Variants in GRID2 observed in about 807,000 individuals in gnomAD.
The protein encoded by GRID2 is glutamate ionotropic receptor delta type subunit 2, also known as glutamate receptor ionotropic, delta-2.
Under a neutral mutation model 114.8 loss-of-function variants are expected in GRID2, and 33 were observed. The observed-to-expected ratio is 0.29, with a 90% CI of 0.22 to 0.38. The LOEUF is 0.38. Ranked by LOEUF, GRID2 falls within the 10% of genes least tolerant of loss-of-function variation. The pLI is 1.00. For synonymous variants in GRID2, 505 were observed against 449.9 expected, an observed-to-expected ratio of 1.12 and a Z score of -1.55; for missense variants, 1,184 against 1,257.7, an observed-to-expected ratio of 0.94 and a Z score of 0.89.
intron 1 of GRID2, among the ~76,000 whole-genome samples, chr4:92,365,731 A>G (rs1728831627): frequency 6.6e-6 from 1 of 152,046 alleles, no homozygotes; most frequent in Non-Finnish European, 1.5e-5. Context: ...ACATCAAAAG[A>G]TCACACTGTA....
intron 14 of GRID2, among the ~76,000 whole-genome samples, chr4:93,681,725 A>G (rs1212329703): frequency 6.6e-6 from 1 of 152,248 alleles, no homozygotes; most frequent in East Asian, 1.9e-4. Flanking sequence ...CTGGCTAGCC[A>G]TATGTAGAAA....
chr4:93,189,183 G>A (rs1290447709), intron 4 of GRID2, among the ~76,000 whole-genome samples: 1 of 152,080 alleles, frequency 6.6e-6, no homozygotes, highest in Non-Finnish European at 1.5e-5. Flanking sequence ...TTCTGTGTTT[G>A]TCAGTTTGGG....
intron 8 of GRID2, among the ~76,000 whole-genome samples, chr4:93,368,128 C>T (rs960994631): frequency 2.4e-4 from 37 of 152,106 alleles, no homozygotes; most frequent in Admixed American, 1.0e-3. Flanking sequence ...TTAACTATCT[C>T]AGTAAGGCTA....
chr4:93,722,331 A>T (rs1729455774), intron 14 of GRID2, among the ~76,000 whole-genome samples: 1 of 152,158 alleles, frequency 6.6e-6, no homozygotes, highest in Non-Finnish European at 1.5e-5. Flanking sequence ...TGAATTACAG[A>T]TGAGAGAATC....
At chr4:92,914,726 A>G (rs1215888522) in intron 2 of GRID2, among the ~76,000 whole-genome samples, 1 of 152,094 alleles carries the variant, frequency 6.6e-6, no homozygotes, top group African/African-American at 2.4e-5. Flanking sequence ...CAGCTTATCC[A>G]TGTTCTTGCA....
Position 93,595,976 on chromosome 4 carries a change from G to T in GRID2, c.2194-30293G>T, listed in dbSNP as rs777646213. ...CTCCACAAGGAAAGTATTTTGACAC[G>T]AATTTTATGGCTGAGAAAACTGAGG... On this transcript the variant is annotated intron_variant, in intron 13 of 15. Coordinates refer to ENST00000282020, the MANE Select transcript of GRID2 (RefSeq NM_001510.4). Among the ~76,000 whole-genome samples the T allele has an allele frequency of 2.0e-5, 3 of 152,208 alleles. No homozygotes were observed. The East Asian group carries it at 5.8e-4, about 29-fold the overall frequency.
intron 2 of GRID2, among the ~76,000 whole-genome samples, chr4:92,950,036 A>G (rs954810997): frequency 2.0e-5 from 3 of 152,128 alleles, no homozygotes; most frequent in African/African-American, 7.2e-5. Context: ...CTATTTGAGA[A>G]AAGAATCAAG....
chr4:93,665,735 G>T (rs1415494185), intron 14 of GRID2, among the ~76,000 whole-genome samples: 1 of 151,986 alleles, frequency 6.6e-6, no homozygotes, highest in Non-Finnish European at 1.5e-5. Flanking sequence ...TAAATTTCCG[G>T]CTTCATTTGC....
In GRID2 at chr4:92,982,037, A is replaced by G. The variant is rs1018194654; in HGVS notation, c.245-102958A>G. On this transcript the variant is annotated intron_variant, in intron 2 of 15. Transcript: ENST00000282020. Reference sequence around the variant, plus strand: ...AAAGTACTGGTAAAAAAAAAAAAAAAAAAAAAAAGAAAAAGAAAAAAGAAA... The same window carrying G: ...AAAGTACTGGTAAAAAAAAAAAAAAGAAAAAAAAGAAAAAGAAAAAAGAAA... Among the ~76,000 whole-genome samples, 63 of 112,924 alleles carry G rather than the reference A, an allele frequency of 5.6e-4. 1 individual carries two copies. The Middle Eastern group carries it at 0.013, about 24-fold the overall frequency. 74.1% of individuals were successfully genotyped at this position (112,924 alleles called of 152,430 possible). A position where few individuals can be genotyped will look rare whatever the true frequency, so the allele number is the denominator to read the frequency against.
At chr4:92,856,521 CTT>C (rs763580291) in intron 2 of GRID2, among the ~76,000 whole-genome samples, 16 of 152,192 alleles carry the variant, frequency 1.1e-4, no homozygotes, top group Non-Finnish European at 2.1e-4. Flanking sequence ...TTTTTCAACA[CTT>C]TTTTTCCAGA....
intron 2 of GRID2, among the ~76,000 whole-genome samples, chr4:92,935,897 T>C (rs1193482512): frequency 3.5e-5 from 2 of 57,438 alleles, no homozygotes; most frequent in African/African-American, 1.2e-4. Flanking sequence ...GGGTGGGGGC[T>C]GGGGGGAGGG....
chr4:93,061,182 A>G (rs1038109078), intron 2 of GRID2, among the ~76,000 whole-genome samples: 8 of 142,974 alleles, frequency 5.6e-5, no homozygotes, highest in Non-Finnish European at 9.1e-5. Flanking sequence ...TTATATATTC[A>G]TCAGGTTTTT....
intron 11 of GRID2, among the ~76,000 whole-genome samples, chr4:93,469,782 C>T (rs529878229): frequency 6.6e-6 from 1 of 152,206 alleles, no homozygotes; most frequent in East Asian, 1.9e-4. Context: ...ATTAGGGCTG[C>T]ACTTAATCTC....
chr4:92,923,315 T>G (rs1749520036), intron 2 of GRID2, among the ~76,000 whole-genome samples: 1 of 152,180 alleles, frequency 6.6e-6, no homozygotes, highest in Admixed American at 6.6e-5. Context: ...TATACTGTTT[T>G]ATATTACAAT....
rs757161571 is a variant in GRID2, at chr4:93,238,507, TG to T, written c.1245+18del. ...GTTCGAAAAGTAAGACAAGACACAC[TG>T]ATTAATACGCTTTTTCCTATACTAT... On this transcript the variant is annotated intron_variant, in intron 8 of 15. Coordinates refer to ENST00000282020, the MANE Select transcript of GRID2 (RefSeq NM_001510.4). 6.2e-7 allele frequency: 1 copy of T among 1,603,072 alleles called. No individual in the cohort carries two copies. Among genetic ancestry groups the T allele is most frequent in the South Asian group, 1.1e-5 (1 of 90,650 alleles).
intron 2 of GRID2, among the ~76,000 whole-genome samples, chr4:92,924,105 T>C (rs1749607293): frequency 6.6e-6 from 1 of 152,156 alleles, no homozygotes; most frequent in Admixed American, 6.6e-5. Context: ...TGTAGGGACA[T>C]GGATGAAGCT....
At chr4:93,110,507 AG>A (rs1732662751) in intron 3 of GRID2, among the ~76,000 whole-genome samples, 2 of 152,310 alleles carry the variant, frequency 1.3e-5, no homozygotes, top group South Asian at 4.1e-4. Flanking sequence ...GACATCATTT[AG>A]GTTCCATGTA....
At chr4:93,263,962 GC>G (rs1195029923) in intron 8 of GRID2, among the ~76,000 whole-genome samples, 3 of 152,082 alleles carry the variant, frequency 2.0e-5, no homozygotes, top group African/African-American at 7.2e-5. Flanking sequence ...TTGTTTTAGG[GC>G]AGTTCAGAAA....
intron 2 of GRID2, among the ~76,000 whole-genome samples, chr4:92,738,449 A>G (rs1240292289): frequency 6.6e-6 from 1 of 152,116 alleles, no homozygotes; most frequent in African/African-American, 2.4e-5. Flanking sequence ...TTGTTTTAAT[A>G]TCTCATCTAT....
Sources: allele counts gnomAD v4.1 joint callset (sites outside exome capture counted in the v4.1 genomes callset), GRCh38; gene constraint gnomAD v4.1.1; transcripts MANE v1.5; gene names NCBI Gene and HGNC (gene_info 2026-07-23, HGNC 2026-07-21).